Variants in KLRG1 observed in about 807,000 individuals in gnomAD.
The protein encoded by KLRG1 is killer cell lectin-like receptor subfamily G member 1.
KLRG1 carries 16 observed loss-of-function variants against 21.8 expected under a neutral mutation model. That is an observed-to-expected ratio of 0.73 (90% CI 0.50 to 1.11). KLRG1 has a LOEUF of 1.11. Ranked by LOEUF, KLRG1 falls within the 50% of genes most tolerant of loss-of-function variation. KLRG1 has a pLI of 0.00. For synonymous variants in KLRG1, 69 were observed against 75.9 expected (o/e 0.91, Z 0.47); for missense variants, 173 against 218.3 (o/e 0.79, Z 1.31).
the KLRG1 span, chr12:9,080,076 T>A: frequency 6.5e-7 from 1 of 1,537,224 alleles, no homozygotes. Context: ...CCGGATCCAC[T>A]AGGGGCTGGA....
chr12:9,030,759 A>G, the KLRG1 span, among the ~76,000 whole-genome samples: 1 of 152,226 alleles, frequency 6.6e-6, no homozygotes, highest in Non-Finnish European at 1.5e-5. Context: ...CAGCAAGGAA[A>G]ACCACAATAA....
At chr12:9,165,794 A>G in the KLRG1 span, among the ~76,000 whole-genome samples, 1 of 152,356 alleles carries the variant, frequency 6.6e-6, no homozygotes, top group Admixed American at 6.5e-5. Flanking sequence ...ATTAAGCAGT[A>G]TATATAGAAC....
Position 9,009,005 on chromosome 12 carries a change from T to C in KLRG1, c.388T>C (p.Phe130Leu). Residue 130 changes from phenylalanine to leucine, a missense_variant, in exon 4 of 5, where the codon TTT (phenylalanine) becomes CTT (leucine). By Grantham distance (22) the Phe-to-Leu change is conservative. Transcript: ENST00000356986. ...GCTCCAAGTTTTCCTCAGTGAGGCC[T>C]TTTGCTGGATTGGTCTGAGGAACAA... ...SLLQVFLSEA[F>L]CWIGLRNNSG... is the part of the protein sequence containing the mutation. The C allele has an allele frequency of 1.2e-6, 2 of 1,613,680 alleles. No individual in the cohort carries two copies. Among genetic ancestry groups the C allele is most frequent in the African/African-American group, 2.7e-5 (2 of 75,014 alleles).
chr12:9,167,597 T>C, the KLRG1 span: 1 of 152,214 alleles, frequency 6.6e-6, no homozygotes, highest in Non-Finnish European at 1.5e-5. Flanking sequence ...GGAAATGGCT[T>C]CATGTTGTTG....
the KLRG1 span, among the ~76,000 whole-genome samples, chr12:9,055,905 A>C: frequency 6.6e-6 from 1 of 152,230 alleles, no homozygotes; most frequent in Non-Finnish European, 1.5e-5. Context: ...GGGTAATTTC[A>C]TTTACACTCT....
At chr12:9,081,507 T>G in the KLRG1 span, among the ~76,000 whole-genome samples, 1 of 152,228 alleles carries the variant, frequency 6.6e-6, no homozygotes, top group Non-Finnish European at 1.5e-5. Flanking sequence ...AACTAGCTGC[T>G]ATCCACAGAT....
the KLRG1 span, among the ~76,000 whole-genome samples, chr12:9,187,696 A>T: frequency 5.3e-5 from 8 of 152,350 alleles, no homozygotes; most frequent in South Asian, 4.1e-4. Context: ...TAAGAGGGAA[A>T]CTTATAGCAC....
At chr12:8,978,633 T>C (rs771865899) in intron 1 of KLRG1, among the ~76,000 whole-genome samples, 57 of 137,924 alleles carry the variant, frequency 4.1e-4, no homozygotes, top group Admixed American at 6.9e-4. Flanking sequence ...CTTTTTCTTT[T>C]TCTTTCTTTT....
chr12:9,171,475 C>T, the KLRG1 span, among the ~76,000 whole-genome samples: 1 of 152,212 alleles, frequency 6.6e-6, no homozygotes, highest in Admixed American at 6.5e-5. Flanking sequence ...TGTGACACCT[C>T]ACCAGCAAGG....
At chr12:9,164,062 A>G in the KLRG1 span, 1 of 1,494,866 alleles carries the variant, frequency 6.7e-7, no homozygotes, top group Non-Finnish European at 9.1e-7. Context: ...AAGAGAGAAT[A>G]TGATGAAAAA....
At chr12:9,106,695 G>A in the KLRG1 span, 52 of 598,272 alleles carry the variant, frequency 8.7e-5, no homozygotes, top group Middle Eastern at 8.6e-4. Flanking sequence ...TTTTGTGGGG[G>A]GACAACATCA....
In KLRG1 at chr12:9,001,845, A is replaced by G. The variant is rs768827239; in HGVS notation, c.357+6557A>G. 1.4e-4 allele frequency among the ~76,000 whole-genome samples: 22 copies of G among 152,346 alleles called. No homozygotes were observed. The South Asian group carries it at 4.4e-3, about 30-fold the overall frequency. ...CAAAACAGAGATATACTGCCTAAAAATACATTTATCCTATGTTTTTAGGTG... is the reference window on the plus strand; with the variant it reads ...CAAAACAGAGATATACTGCCTAAAAGTACATTTATCCTATGTTTTTAGGTG... On this transcript the variant is annotated intron_variant, in intron 3 of 4. Transcript: ENST00000356986.
the KLRG1 span, among the ~76,000 whole-genome samples, chr12:9,021,404 T>C: frequency 8.8e-5 from 5 of 56,968 alleles, no homozygotes; most frequent in Non-Finnish European, 1.8e-4. Flanking sequence ...TTTTTTACTC[T>C]TTTTTTTTTT....
chr12:9,049,990 C>T, the KLRG1 span, among the ~76,000 whole-genome samples: 1 of 152,164 alleles, frequency 6.6e-6, no homozygotes, highest in Non-Finnish European at 1.5e-5. Context: ...CATAACTACG[C>T]TGGGAACACA....
intron 1 of KLRG1, among the ~76,000 whole-genome samples, chr12:8,978,585 T>C (rs1946695279): frequency 6.6e-6 from 1 of 152,218 alleles, no homozygotes; most frequent in Non-Finnish European, 1.5e-5. Context: ...AGGTTTAGGC[T>C]GAGAAACCTA....
the KLRG1 span, among the ~76,000 whole-genome samples, chr12:9,093,849 A>G: frequency 1.3e-5 from 2 of 151,968 alleles, no homozygotes; most frequent in African/African-American, 4.8e-5. Context: ...GCGCCACTGC[A>G]CTCCAGCCTG....
intron 1 of KLRG1, among the ~76,000 whole-genome samples, chr12:8,978,079 T>C (rs760261129): frequency 1.1e-4 from 17 of 152,320 alleles, no homozygotes; most frequent in Non-Finnish European, 1.9e-4. Flanking sequence ...TAACAAATCT[T>C]TATTTTTTTT....
the KLRG1 span, chr12:9,079,533 T>C: frequency 2.4e-5 from 28 of 1,151,694 alleles, no homozygotes; most frequent in South Asian, 3.5e-4. Flanking sequence ...GCAGCTATCA[T>C]AGTGAGCTAA....
the KLRG1 span, chr12:9,101,407 T>C: frequency 1.3e-6 from 2 of 1,534,530 alleles, no homozygotes; most frequent in East Asian, 2.3e-5. Context: ...CAGAGAGCTT[T>C]TGTCTACAGT....
Sources: gnomAD v4.1 joint callset for allele counts (sites outside exome capture counted in the v4.1 genomes callset) on GRCh38, gnomAD v4.1.1 for gene constraint, MANE v1.5 for transcripts, NCBI Gene and HGNC (gene_info 2026-07-23, HGNC 2026-07-21) for gene names.